TRERF1: variants seen among roughly 807,000 people sequenced by gnomAD.
TRERF1 encodes transcriptional-regulating factor 1.
Under a neutral mutation model 122.9 loss-of-function variants are expected in TRERF1, and 27 were observed. That is an observed-to-expected ratio of 0.22 (90% CI 0.16 to 0.30). TRERF1 has a LOEUF of 0.30. Ranked by LOEUF, TRERF1 falls within the 10% of genes least tolerant of loss-of-function variation. The probability of loss-of-function intolerance (pLI) is 1.00; values close to 1 mark genes in which losing one functional copy is unlikely to be tolerated. For missense variants in TRERF1, 1,248 were observed against 1,560.3 expected, an observed-to-expected ratio of 0.80 and a Z score of 3.37; for synonymous variants, 636 against 641.7, an observed-to-expected ratio of 0.99 and a Z score of 0.13.
At chr6:42,377,346 TCTC>T (rs1183419600) in intron 2 of TRERF1, among the ~76,000 whole-genome samples, 2 of 152,108 alleles carry the variant, frequency 1.3e-5, no homozygotes, top group Non-Finnish European at 2.9e-5. Context: ...TTTCCTCTCT[TCTC>T]CTGACAGCTG....
Position 42,259,481 on chromosome 6 carries a change from C to T in TRERF1, c.2127G>A (p.Thr709=). 2 of 1,608,568 alleles carry T rather than the reference C, an allele frequency of 1.2e-6. No individual in the cohort carries two copies. The highest frequency in any genetic ancestry group is 1.1e-5 in the South Asian group (1 of 90,842). Residue 709 remains threonine (T), a synonymous_variant, in exon 9 of 18, where the codon ACG becomes ACA. Transcript: ENST00000372922. This position sits in a 1 kb window ranked among gnomAD's most constrained non-coding sequence, Gnocchi z 4.9. ...GCACCGGGCTCAGCATGGGTGGGGG[C>T]GTGTAAGGGGGCAGCTCGTGGGTGG...
At chr6:42,290,014 C>G (rs1784025388) in intron 4 of TRERF1, among the ~76,000 whole-genome samples, 1 of 152,168 alleles carries the variant, frequency 6.6e-6, no homozygotes, top group African/African-American at 2.4e-5. Flanking sequence ...GAGACCTCAA[C>G]AGGAGCTGTC....
rs1430997383 is a variant in TRERF1 at position 42,232,821 on chromosome 6, G to T, written c.3138C>A (p.Ala1046=). Residue 1046 remains alanine, a synonymous_variant, in exon 17 of 18, where the codon GCC becomes GCA. Coordinates refer to ENST00000372922, the Ensembl canonical transcript of TRERF1. The surrounding 1 kb of genome is among the most constrained non-coding windows in gnomAD (Gnocchi z 4.5). ...GCTTCCCAGAGGGGATGGCACCTCG[G>T]GCCTTGGTCACCTGGTTGGTGCCCC... The T allele has an allele frequency of 1.9e-6, 3 of 1,612,682 alleles. No individual in the cohort carries two copies. The African/African-American group carries it at 4.0e-5, about 21-fold the overall frequency.
chr6:42,310,317 T>C (rs1287913884), intron 3 of TRERF1, among the ~76,000 whole-genome samples: 2 of 152,182 alleles, frequency 1.3e-5, no homozygotes, highest in Non-Finnish European at 2.9e-5. Context: ...GTAGCTACCA[T>C]ATTAGACAGC....
intron 3 of TRERF1, among the ~76,000 whole-genome samples, chr6:42,333,750 G>A (rs1562008362): frequency 1.3e-5 from 2 of 152,140 alleles, no homozygotes; most frequent in South Asian, 4.1e-4. Context: ...GCCTCCGAGG[G>A]CCACATGGGC....
At chr6:42,281,834 G>C (rs1782356436) in intron 4 of TRERF1, among the ~76,000 whole-genome samples, 1 of 152,178 alleles carries the variant, frequency 6.6e-6, no homozygotes. Flanking sequence ...CTAACCCCAG[G>C]CTAGGCACAG....
rs34388801 is a variant in TRERF1, at chr6:42,418,218, C to CTTTTTTT, written c.-454+32952_-454+32958dup. 3.3e-3 allele frequency among the ~76,000 whole-genome samples: 114 copies of CTTTTTTT among 34,658 alleles called. 8 individuals carry two copies. The highest frequency in any genetic ancestry group is 4.4e-3 in the East Asian group (4 of 912). 22.7% of individuals were successfully genotyped at this position (34,658 alleles called of 152,430 possible). On this transcript the variant is annotated intron_variant, in intron 2 of 17. Coordinates refer to ENST00000372922, the Ensembl canonical transcript of TRERF1. ...TTCTCTCCTTCTTTCTTTTTCTTTC[C>CTTTTTTT]TTTTTTTTTTTTTTTTTTTGAGATG...
At chr6:42,286,357 A>G (rs7743532) in intron 4 of TRERF1, among the ~76,000 whole-genome samples, 8 of 129,450 alleles carry the variant, frequency 6.2e-5, no homozygotes, top group African/African-American at 2.4e-4. Flanking sequence ...AACAGGCAAC[A>G]CACAAAATGG....
At chr6:42,319,503 A>G (rs901246651) in intron 3 of TRERF1, among the ~76,000 whole-genome samples, 2 of 152,246 alleles carry the variant, frequency 1.3e-5, no homozygotes, top group Non-Finnish European at 2.9e-5. Flanking sequence ...TGCCCTAACC[A>G]ATACAAGCTT....
intron 2 of TRERF1, among the ~76,000 whole-genome samples, chr6:42,367,350 C>T (rs567039867): frequency 6.6e-6 from 1 of 152,270 alleles, no homozygotes; most frequent in South Asian, 2.1e-4. Context: ...ACAGGCCACC[C>T]CACTGCTGGT....
rs180913660 is a variant in TRERF1 at position 42,392,057 on chromosome 6, C to T, written c.-453-28978G>A. ...TCTCCTTCCCATGACTGATTTTCTT[C>T]GCAGACCTCATCGACACCTGACATT... On this transcript the variant is annotated intron_variant, in intron 2 of 17. Coordinates refer to ENST00000372922, the Ensembl canonical transcript of TRERF1. 1.8e-3 allele frequency among the ~76,000 whole-genome samples: 274 copies of T among 152,116 alleles called. 1 individual carries two copies. The highest frequency in any genetic ancestry group is 3.2e-3 in the Non-Finnish European group (216 of 68,014).
chr6:42,357,328 CAAAAAAAAAAA>C (rs35651008), intron 3 of TRERF1, among the ~76,000 whole-genome samples: 2 of 61,156 alleles, frequency 3.3e-5, no homozygotes, highest in East Asian at 3.1e-4. Flanking sequence ...GACTCTGTCT[CAAAAAAAAAAA>C]AAAAAAAAAA....
chr6:42,353,731 C>A (rs1403028402), intron 3 of TRERF1, among the ~76,000 whole-genome samples: 1 of 152,004 alleles, frequency 6.6e-6, no homozygotes, highest in South Asian at 2.1e-4. Context: ...TGCTGAAGAT[C>A]TAAATGAACA....
chr6:42,398,386 A>G (rs552607101), intron 2 of TRERF1, among the ~76,000 whole-genome samples: 1 of 152,224 alleles, frequency 6.6e-6, no homozygotes, highest in East Asian at 1.9e-4. Context: ...TGGCCATCAC[A>G]TGCCCTTGGT....
chr6:42,436,170 C>A (rs1402274671), intron 2 of TRERF1, among the ~76,000 whole-genome samples: 2 of 151,868 alleles, frequency 1.3e-5, no homozygotes, highest in Non-Finnish European at 2.9e-5. Flanking sequence ...AGTTCGAGAC[C>A]ATCCTGGCTA....
chr6:42,359,392 C>T (rs566404467), intron 3 of TRERF1, among the ~76,000 whole-genome samples: 5 of 152,212 alleles, frequency 3.3e-5, no homozygotes, highest in South Asian at 4.2e-4. Flanking sequence ...CAAAGGCAAG[C>T]GGGGGTCACT....
At chr6:42,386,936 C>T (rs1461937710) in intron 2 of TRERF1, among the ~76,000 whole-genome samples, 1 of 152,138 alleles carries the variant, frequency 6.6e-6, no homozygotes, top group East Asian at 1.9e-4. Context: ...AGCAGTATCC[C>T]TGGCCTTCAC....
At chr6:42,258,994 G>A (rs1234182623) in intron 9 of TRERF1, among the ~76,000 whole-genome samples, 1 of 151,944 alleles carries the variant, frequency 6.6e-6, no homozygotes, top group Non-Finnish European at 1.5e-5. Flanking sequence ...CTCGACCTCC[G>A]AAAACGCTGG....
chr6:42,250,992 C>CT (rs70987586), intron 13 of TRERF1, among the ~76,000 whole-genome samples: 24,829 of 97,898 alleles, frequency 0.25, 4,092 homozygotes, highest in African/African-American at 0.33. Flanking sequence ...TCTTTTGCTT[C>CT]TTTTTTTTTT....
Sources: allele counts gnomAD v4.1 joint callset (sites outside exome capture counted in the v4.1 genomes callset), GRCh38; gene constraint gnomAD v4.1.1; non-coding constraint Gnocchi (gnomAD v3.1); transcripts MANE v1.5; gene names NCBI Gene and HGNC (gene_info 2026-07-23, HGNC 2026-07-21).